Variants in ULK4 observed in about 807,000 individuals in gnomAD.
The protein encoded by ULK4 is unc-51 like kinase 4.
ULK4 carries 133 observed loss-of-function variants against 160.6 expected under a neutral mutation model. The ratio of observed to expected loss-of-function variants is 0.83; its 90% CI spans 0.72 to 0.96. ULK4 has a LOEUF of 0.96. ULK4 is among the 40% of genes least tolerant of loss of function. The pLI is 0.00. For missense variants in ULK4, 1,580 were observed against 1,499.5 expected, an observed-to-expected ratio of 1.05 and a Z score of -0.89; for synonymous variants, 534 against 539.8, an observed-to-expected ratio of 0.99 and a Z score of 0.15.
intron 32 of ULK4, among the ~76,000 whole-genome samples, chr3:41,506,743 G>A (rs373924187): frequency 1.1e-3 from 58 of 52,126 alleles, no homozygotes; most frequent in African/African-American, 3.7e-3. Flanking sequence ...GTTCTCCAAA[G>A]CAATACACTG....
At chr3:41,673,156 T>TA (rs1027856506) in intron 29 of ULK4, among the ~76,000 whole-genome samples, 4 of 151,970 alleles carry the variant, frequency 2.6e-5, no homozygotes, top group Admixed American at 6.6e-5. Flanking sequence ...TTTTTTTAAT[T>TA]AAAAAAAATT....
intron 18 of ULK4, among the ~76,000 whole-genome samples, chr3:41,827,505 A>C (rs2041404837): frequency 6.6e-6 from 1 of 152,184 alleles, no homozygotes; most frequent in Non-Finnish European, 1.5e-5. Flanking sequence ...CTACCATCAG[A>C]GAATACTACA....
intron 35 of ULK4, among the ~76,000 whole-genome samples, chr3:41,386,544 A>G (rs1044269280): frequency 2.6e-5 from 4 of 152,154 alleles, no homozygotes; most frequent in Non-Finnish European, 5.9e-5. Context: ...TTGGAGCCAC[A>G]GCCAAACCAG....
intron 35 of ULK4, among the ~76,000 whole-genome samples, chr3:41,262,338 C>T (rs1335050268): frequency 2.0e-5 from 3 of 152,214 alleles, no homozygotes; most frequent in African/African-American, 7.2e-5. Flanking sequence ...GCCTCTCAAA[C>T]TGGGGTCAAA....
chr3:41,595,221 G>A (rs144967522), intron 31 of ULK4, among the ~76,000 whole-genome samples: 44 of 152,270 alleles, frequency 2.9e-4, no homozygotes, highest in Non-Finnish European at 5.0e-4. Context: ...CCTGCAAGGC[G>A]TGGTAAAGCA....
chr3:41,639,107 T>G (rs2034078806), intron 30 of ULK4, among the ~76,000 whole-genome samples: 1 of 152,142 alleles, frequency 6.6e-6, no homozygotes, highest in African/African-American at 2.4e-5. Context: ...ATCAGGAGAT[T>G]TTGTGTAGCT....
At chr3:41,909,907 T>C (rs1236422285) in intron 11 of ULK4, among the ~76,000 whole-genome samples, 1 of 152,218 alleles carries the variant, frequency 6.6e-6, no homozygotes, top group Non-Finnish European at 1.5e-5. Flanking sequence ...ACTAAATTTT[T>C]TTTTTTGAGA....
intron 31 of ULK4, among the ~76,000 whole-genome samples, chr3:41,576,689 T>TGGGAAAGCCAAAAAG (rs1237918035): frequency 2.0e-5 from 3 of 152,214 alleles, no homozygotes; most frequent in Non-Finnish European, 4.4e-5. Flanking sequence ...TTTCCCAAAA[T>TGGGAAAGCCAAAAAG]GCTTTCAGTT....
chr3:41,957,317 G>A (rs756144012), intron 1 of ULK4, among the ~76,000 whole-genome samples: 1 of 151,826 alleles, frequency 6.6e-6, no homozygotes, highest in African/African-American at 2.4e-5. Context: ...AGCCAGGCAT[G>A]GTGGCACACG....
At chr3:41,564,365 T>G (rs1272821022) in intron 32 of ULK4, among the ~76,000 whole-genome samples, 1 of 151,422 alleles carries the variant, frequency 6.6e-6, no homozygotes, top group Non-Finnish European at 1.5e-5. Context: ...AGGTAGTCCG[T>G]CCGTTCTGAG....
rs112267413 is a variant in ULK4, at chr3:41,754,524, A to G, written c.2194-36T>C. ...CATTTAAACAATTTTTTGAGAGAACATAAAAAAATAGGGCAGTCTCAATTC... is the reference window on the plus strand; with the variant it reads ...CATTTAAACAATTTTTTGAGAGAACGTAAAAAAATAGGGCAGTCTCAATTC... On this transcript the variant is annotated intron_variant, in intron 21 of 36. Transcript: ENST00000301831. The G allele has an allele frequency of 4.2e-3, 6,746 of 1,597,626 alleles. 23 individuals carry two copies. The highest frequency in any genetic ancestry group is 5.1e-3 in the Non-Finnish European group (6,041 of 1,174,344).
intron 7 of ULK4, among the ~76,000 whole-genome samples, chr3:41,917,520 T>A (rs1165420069): frequency 6.6e-6 from 1 of 152,168 alleles, no homozygotes; most frequent in African/African-American, 2.4e-5. Context: ...TTTTCATTTA[T>A]GTGTCTTAAG....
At position 41,919,729 on chromosome 3, in the gene ULK4, C is replaced by T; in HGVS notation, c.631G>A (p.Glu211Lys). 1 of 1,613,940 alleles carries T rather than the reference C, an allele frequency of 6.2e-7. No individual in the cohort carries two copies. The highest frequency in any genetic ancestry group is 1.1e-5 in the South Asian group (1 of 91,058). ...AGGAAACAATTACCTGAAAACATTT[C>T]ATAAAGCAGACAGCCCAAAGACCAG... ...DLWSLGCLLY[E>K]MFSGKPPFFS... Residue 211 changes from glutamate to lysine, a missense_variant, in exon 6 of 37, where the codon GAA (glutamate) becomes AAA (lysine). Physicochemically the swap from Glu to Lys is moderately conservative, Grantham distance 56. Coordinates refer to ENST00000301831, the MANE Select transcript of ULK4 (RefSeq NM_017886.4).
chr3:41,403,871 C>T (rs532989126), intron 34 of ULK4, among the ~76,000 whole-genome samples: 1 of 152,186 alleles, frequency 6.6e-6, no homozygotes, highest in African/African-American at 2.4e-5. Flanking sequence ...AGTGTGTTTA[C>T]TTTTTAAATG....
chr3:41,382,013 C>A (rs777150848), intron 35 of ULK4, among the ~76,000 whole-genome samples: 5 of 152,144 alleles, frequency 3.3e-5, no homozygotes, highest in Non-Finnish European at 7.3e-5. Context: ...GCTCCAAACA[C>A]TCCCTGGCTG....
chr3:41,810,845 T>C (rs1242752593), intron 19 of ULK4, among the ~76,000 whole-genome samples: 1 of 152,158 alleles, frequency 6.6e-6, no homozygotes, highest in Non-Finnish European at 1.5e-5. Context: ...ATTCAAAAGT[T>C]AGTAATGTAC....
chr3:41,907,148 A>G (rs1559642115), intron 12 of ULK4, among the ~76,000 whole-genome samples: 1 of 152,224 alleles, frequency 6.6e-6, no homozygotes, highest in Admixed American at 6.5e-5. Flanking sequence ...GCCTAGTACA[A>G]GCATGGAAAA....
intron 35 of ULK4, among the ~76,000 whole-genome samples, chr3:41,277,076 CAATA>C (rs1166998018): frequency 6.6e-6 from 1 of 151,960 alleles, no homozygotes; most frequent in Non-Finnish European, 1.5e-5. Context: ...CTGAAAAGAC[CAATA>C]AAAAGCAGTG....
chr3:41,277,295 C>T (rs1345595774), intron 35 of ULK4, among the ~76,000 whole-genome samples: 3 of 151,966 alleles, frequency 2.0e-5, no homozygotes, highest in Non-Finnish European at 4.4e-5. Context: ...AGGACATAAC[C>T]AAAAAAGAAA....
Sources: gnomAD v4.1 joint callset for allele counts (sites outside exome capture counted in the v4.1 genomes callset) on GRCh38, gnomAD v4.1.1 for gene constraint, MANE v1.5 for transcripts, NCBI Gene and HGNC (gene_info 2026-07-23, HGNC 2026-07-21) for gene names.